The following MYH14 variants were observed in gnomAD, a reference collection of about 807,000 sequenced individuals.
MYH14 encodes myosin-14.
Under a neutral mutation model 255.5 loss-of-function variants are expected in MYH14, and 123 were observed. The observed-to-expected ratio is 0.48, with a 90% CI of 0.42 to 0.56. The LOEUF (loss-of-function observed/expected upper bound fraction) is 0.56, where lower values mean the gene tolerates loss of function less well. Ranked by LOEUF, MYH14 falls within the 20% of genes least tolerant of loss-of-function variation. MYH14 has a pLI of 0.00. For synonymous variants in MYH14, 1,095 were observed against 1,161.2 expected (o/e 0.94, Z 1.16); for missense variants, 2,423 against 2,802.3 (o/e 0.86, Z 3.06).
At chr19:50,272,067 G>A in intron 26 of MYH14, 95 bp downstream of exon 26, 1 of 1,507,706 alleles carries the variant, frequency 6.6e-7, no homozygotes, top group Non-Finnish European at 9.0e-7. Flanking sequence ...GGCTGTGTCT[G>A]CTAAATGGGA....
intron 26 of MYH14, 151 bp from the exon 27 acceptor site, chr19:50,272,409 T>G: frequency 1.3e-5 from 11 of 831,932 alleles, no homozygotes; most frequent in Non-Finnish European, 2.2e-5. Context: ...GAAGAGTCCC[T>G]GAGATAGATG....
Position 50,249,022 on chromosome 19 carries a change from C to T in MYH14, c.1365C>T (p.Thr455=), listed in dbSNP as rs763440469. ...CGCTGGAGGCCCTGGCCAAGGCCACCTACGAGCGCCTCTTCCGCTGGCTGG... is the reference window on the plus strand; with the variant it reads ...CGCTGGAGGCCCTGGCCAAGGCCACTTACGAGCGCCTCTTCCGCTGGCTGG... ...DFALEALAKA[T]YERLFRWLVL... is the part of the protein sequence containing the mutation. Residue 455 remains threonine (T), a synonymous_variant, in exon 13 of 43, where the codon ACC becomes ACT. Coordinates refer to ENST00000642316, the MANE Select transcript of MYH14 (RefSeq NM_001145809.2). 2.5e-6 allele frequency: 4 copies of T among 1,613,628 alleles called. No individual in the cohort carries two copies. The East Asian group carries it at 6.7e-5, about 27-fold the overall frequency.
Position 50,258,177 on chromosome 19 carries a change from G to A in MYH14, c.2232+691G>A, listed in dbSNP as rs139521592. On this transcript the variant is annotated intron_variant, in intron 18 of 42. Transcript: ENST00000642316. ...ACTCCTGAGCTCAAGCGATCCACCC[G>A]CCTTGGCCTCCCAAAGTGCTGGGAT... is the stretch of plus-strand genomic sequence containing the variant. 4.5e-3 allele frequency among the ~76,000 whole-genome samples: 689 copies of A among 152,004 alleles called. 1 individual carries two copies. Among genetic ancestry groups the A allele is most frequent in the Middle Eastern group, 6.8e-3 (2 of 294 alleles).
chr19:50,243,075 T>C (rs929546346), intron 10 of MYH14, among the ~76,000 whole-genome samples: 1 of 152,096 alleles, frequency 6.6e-6, no homozygotes, highest in Non-Finnish European at 1.5e-5. Context: ...GCTGTTGGCC[T>C]CGAGTTCTGT....
At position 50,230,478 on chromosome 19, in the gene MYH14, G is replaced by A. The variant is rs1489567910; in HGVS notation, c.875-47G>A. ...CAGGCTCCTGTAGTGGCCTGGCAGC[G>A]TCGGGGCCGTCCCTTCCCCTCTAGC... On this transcript the variant is annotated intron_variant, in intron 8 of 42. Coordinates refer to ENST00000642316, the MANE Select transcript of MYH14 (RefSeq NM_001145809.2). This position sits in a 1 kb window ranked among gnomAD's most constrained non-coding sequence, Gnocchi z 4.7. The A allele has an allele frequency of 1.3e-6, 2 of 1,513,864 alleles. No individual in the cohort carries two copies. Among genetic ancestry groups the A allele is most frequent in the South Asian group, 1.2e-5 (1 of 83,288 alleles). The allele number at this position is 1,513,864 out of a possible 1,614,324, so 93.8% of individuals were successfully genotyped here.
In MYH14 at chr19:50,266,126, A is replaced by G; in HGVS notation, c.2695-751A>G. ...AGAATATGATTGAACAGAAATTATCAGAGCAGATCTCACTTAGCAAGGGCG... is the reference window on the plus strand; with the variant it reads ...AGAATATGATTGAACAGAAATTATCGGAGCAGATCTCACTTAGCAAGGGCG... On this transcript the variant is annotated intron_variant, in intron 22 of 42. Coordinates refer to ENST00000642316, the MANE Select transcript of MYH14 (RefSeq NM_001145809.2). The surrounding 1 kb of genome is among the most constrained non-coding windows in gnomAD (Gnocchi z 4.1). Among the ~76,000 whole-genome samples the G allele has an allele frequency of 6.6e-6, 1 of 152,256 alleles. No individual in the cohort carries two copies. Among genetic ancestry groups the G allele is most frequent in the Admixed American group, 6.5e-5 (1 of 15,292 alleles).
chr19:50,289,359 C>T (rs2035989963), intron 34 of MYH14, 77 bp from the exon 35 acceptor site: 6 of 1,198,314 alleles, frequency 5.0e-6, no homozygotes. Flanking sequence ...TCCATCAAAT[C>T]TTCCCCTACT....
In MYH14 at chr19:50,266,838, C is replaced by T; in HGVS notation, c.2695-39C>T. The T allele has an allele frequency of 6.4e-7, 1 of 1,551,114 alleles. No homozygotes were observed. The highest frequency in any genetic ancestry group is 8.7e-7 in the Non-Finnish European group (1 of 1,146,674). On this transcript the variant is annotated intron_variant, in intron 22 of 42. Coordinates refer to ENST00000642316, the MANE Select transcript of MYH14 (RefSeq NM_001145809.2). This position sits in a 1 kb window ranked among gnomAD's most constrained non-coding sequence, Gnocchi z 4.1. ...CCACTAAGAGTGTGAGGTCTTGGCG[C>T]CTGAAGTCAGCCATTCCACCCCTTT... is the stretch of plus-strand genomic sequence containing the variant.
At chr19:50,210,876 T>A in intron 2 of MYH14, 106 bp downstream of exon 2, 1 of 1,481,852 alleles carries the variant, frequency 6.7e-7, no homozygotes, top group Non-Finnish European at 8.9e-7. Context: ...GTTTATCATC[T>A]GTATCCCATG....
chr19:50,223,196 C>T (rs1374636046), intron 4 of MYH14, 51 bp from the exon 5 acceptor site: 3 of 1,606,338 alleles, frequency 1.9e-6, no homozygotes, highest in East Asian at 4.5e-5. Flanking sequence ...AGGTGGGGAG[C>T]TTGCCTGAGG....
Position 50,293,503 on chromosome 19 carries a change from G to A in MYH14, c.5346-61G>A, listed in dbSNP as rs930167491. On this transcript the variant is annotated intron_variant, in intron 38 of 42. Coordinates refer to ENST00000642316, the MANE Select transcript of MYH14 (RefSeq NM_001145809.2). The surrounding 1 kb of genome is among the most constrained non-coding windows in gnomAD (Gnocchi z 4.1). Reference sequence around the variant, plus strand: ...CTAACCACAGGGTCCTGTAGTGTGAGGCAAGGCACCCTCCTCTGACCATCC... The same window carrying A: ...CTAACCACAGGGTCCTGTAGTGTGAAGCAAGGCACCCTCCTCTGACCATCC... The A allele has an allele frequency of 1.1e-5, 18 of 1,600,834 alleles. 1 individual carries two copies. In the Admixed American group the frequency reaches 1.7e-4, roughly 15 times the overall value.
In MYH14 at chr19:50,248,981, C is replaced by T. The variant is rs749087346; in HGVS notation, c.1330-6C>T. 4 of 1,613,306 alleles carry T rather than the reference C, an allele frequency of 2.5e-6. No homozygotes were observed. Among genetic ancestry groups the T allele is most frequent in the Non-Finnish European group, 3.4e-6 (4 of 1,179,782 alleles). On this transcript the variant is annotated splice_region_variant and splice_polypyrimidine_tract_variant and intron_variant, in intron 12 of 42. Coordinates refer to ENST00000642316, the MANE Select transcript of MYH14 (RefSeq NM_001145809.2). ...CTGCGCCCTTACCATGAGCCCTGTCCCACAGGCTGACTTCGCGCTGGAGGC... is the reference window on the plus strand; with the variant it reads ...CTGCGCCCTTACCATGAGCCCTGTCTCACAGGCTGACTTCGCGCTGGAGGC...
At chr19:50,306,971 A>T in intron 40 of MYH14, 78 bp from the exon 41 acceptor site, 5 of 1,024,870 alleles carry the variant, frequency 4.9e-6, no homozygotes, top group Non-Finnish European at 7.4e-6. Context: ...ACAAGGTGAC[A>T]GCCACTGCAT....
rs528491052 is a variant in MYH14, at chr19:50,281,312, G to A, written c.4291-282G>A. 2.6e-5 allele frequency among the ~76,000 whole-genome samples: 4 copies of A among 152,206 alleles called. No individual in the cohort carries two copies. The South Asian group carries it at 8.3e-4, about 32-fold the overall frequency. Reference sequence around the variant, plus strand: ...TGCTACCTTAACCCCTATCACCCTGGCTGTGACTCTGTGTCTCCCCCAGCA... The same window carrying A: ...TGCTACCTTAACCCCTATCACCCTGACTGTGACTCTGTGTCTCCCCCAGCA... On this transcript the variant is annotated intron_variant, in intron 32 of 42. Transcript: ENST00000642316.
chr19:50,263,357 G>T lies in MYH14; in HGVS notation c.2631G>T (p.Met877Ile). Residue 877 changes from methionine (M) to isoleucine (I), a missense_variant, in exon 22 of 43, where the codon ATG (methionine) becomes ATT (isoleucine). Around this residue, in one of 3 missense-constraint regions of MYH14, gnomAD observed 1,513 missense variants for 1,674.8 expected, o/e 0.90. Coordinates refer to ENST00000642316, the MANE Select transcript of MYH14 (RefSeq NM_001145809.2). ...AGCAGCAGAGCGCCCTGAGGGTGATGCAGCGGAACTGCGCGGCCTACCTCA... is the reference window on the plus strand; with the variant it reads ...AGCAGCAGAGCGCCCTGAGGGTGATTCAGCGGAACTGCGCGGCCTACCTCA... ...RQQQQSALRV[M>I]QRNCAAYLKL... is the part of the protein sequence containing the mutation. The T allele has an allele frequency of 6.3e-7, 1 of 1,598,476 alleles. No homozygotes were observed. The highest frequency in any genetic ancestry group is 8.5e-7 in the Non-Finnish European group (1 of 1,172,716).
rs745351261 is a variant in MYH14 at position 50,248,995 on chromosome 19, C to A, written c.1338C>A (p.Phe446Leu). 1.1e-5 allele frequency: 17 copies of A among 1,613,514 alleles called. No homozygotes were observed. In the Admixed American group the frequency reaches 2.8e-4, roughly 27 times the overall value. The change falls in exon 13 of 43, where the codon TTC becomes TTA. Residue 446 changes from phenylalanine to leucine, a missense_variant. By Grantham distance (22) the Phe-to-Leu change is conservative. This residue lies in a region of MYH14 where 672 missense variants were observed against 881.8 expected (regional missense o/e 0.76). Transcript: ENST00000642316. ...QKAQTKEQAD[F>L]ALEALAKATY... is the part of the protein sequence containing the mutation. ...TGAGCCCTGTCCCACAGGCTGACTTCGCGCTGGAGGCCCTGGCCAAGGCCA... is the reference window on the plus strand; with the variant it reads ...TGAGCCCTGTCCCACAGGCTGACTTAGCGCTGGAGGCCCTGGCCAAGGCCA...
At chr19:50,296,782 G>A (rs73058394) in intron 39 of MYH14, among the ~76,000 whole-genome samples, 2,377 of 152,316 alleles carry the variant, frequency 0.016, 30 homozygotes, top group Admixed American at 0.023. Context: ...GAAGAGCCTC[G>A]CGCTGGCCCA....
chr19:50,281,875 C>A, intron 33 of MYH14, 33 bp downstream of exon 33: 1 of 1,599,194 alleles, frequency 6.3e-7, no homozygotes, highest in South Asian at 1.1e-5. Context: ...GCCGGGGAAT[C>A]AGCAAGTCCA....
chr19:50,304,616 C>T (rs2036597093), intron 40 of MYH14, among the ~76,000 whole-genome samples: 1 of 152,124 alleles, frequency 6.6e-6, no homozygotes, highest in Non-Finnish European at 1.5e-5. Flanking sequence ...TACTGTTTAC[C>T]TTCCCATGTG....
Sources: gnomAD v4.1 joint callset for allele counts (sites outside exome capture counted in the v4.1 genomes callset) on GRCh38, gnomAD v4.1.1 for gene constraint, gnomAD v4.1.1 regional missense constraint, Gnocchi (gnomAD v3.1) non-coding constraint, MANE v1.5 for transcripts, NCBI Gene and HGNC (gene_info 2026-07-23, HGNC 2026-07-21) for gene names.